CDH23: variants seen among roughly 807,000 people sequenced by gnomAD.
The protein encoded by CDH23 is cadherin-23.
In CDH23, 189 loss-of-function variants were observed where a neutral mutation model predicts 317.1. The ratio of observed to expected loss-of-function variants is 0.60; its 90% confidence interval spans 0.53 to 0.67. The LOEUF (loss-of-function observed/expected upper bound fraction) is 0.67. Among genes scored for constraint, CDH23 ranks in the 30% least tolerant of loss-of-function variants. The pLI is 0.00. For synonymous variants in CDH23, 1,839 were observed against 1,876.8 expected (o/e 0.98, Z 0.52); for missense variants, 4,401 against 4,592.4 (o/e 0.96, Z 1.20).
chr10:71,664,363 T>C (rs1435105153), intron 14 of CDH23, among the ~76,000 whole-genome samples: 1 of 152,208 alleles, frequency 6.6e-6, no homozygotes, highest in African/African-American at 2.4e-5. Context: ...AACACCACCA[T>C]GTCTGTGATA....
At chr10:71,695,550 C>T (rs1429167899) in intron 22 of CDH23, 25 bp downstream of exon 22, 1 of 1,544,864 alleles carries the variant, frequency 6.5e-7, no homozygotes, top group Non-Finnish European at 9.0e-7. Context: ...AGCAGCAGAA[C>T]TGCCAGGCGG....
In CDH23 at chr10:71,594,269, T is replaced by C. The variant is rs199549695; in HGVS notation, c.832+16277T>C. 1.4e-4 allele frequency among the ~76,000 whole-genome samples: 21 copies of C among 152,316 alleles called. No individual in the cohort carries two copies. The East Asian group carries it at 3.9e-3, about 28-fold the overall frequency. ...GCTCAATTATTATTATATTTTGAAT[T>C]CCTCAAAAATGTTTGTGGAAATTTG... On this transcript the variant is annotated intron_variant, in intron 9 of 69. Coordinates refer to ENST00000224721, the MANE Select transcript of CDH23 (RefSeq NM_022124.6).
At position 71,812,814 on chromosome 10, in the gene CDH23, G is replaced by C; in HGVS notation, c.9557G>C (p.Arg3186Pro). ...GCAGCTGTCAAGCCTGATGATGACCGATACCTGCGGGCTGCCATCCAGGAG... is the reference window on the plus strand; with the variant it reads ...GCAGCTGTCAAGCCTGATGATGACCCATACCTGCGGGCTGCCATCCAGGAG... ...EPAAVKPDDDRYLRAAIQEYD... is the reference protein window; with the variant it reads ...EPAAVKPDDDPYLRAAIQEYD... Residue 3186 changes from arginine to proline, a missense_variant, in exon 68 of 70, where the codon CGA (arginine) becomes CCA (proline). This residue lies in a region of CDH23 where 1,144 missense variants were observed against 1,138.2 expected (regional missense o/e 1.01). Transcript: ENST00000224721. The C allele has an allele frequency of 6.2e-7, 1 of 1,613,356 alleles. No individual in the cohort carries two copies. The highest frequency in any genetic ancestry group is 8.5e-7 in the Non-Finnish European group (1 of 1,179,570).
At chr10:71,777,999 G>A in intron 39 of CDH23, 98 bp downstream of exon 39, 1 of 1,471,194 alleles carries the variant, frequency 6.8e-7, no homozygotes, top group Non-Finnish European at 9.3e-7. Context: ...CAAAGATGCA[G>A]TCTAGGGGAA....
rs114784285 is a variant in CDH23 at position 71,510,640 on chromosome 10, A to C, written c.289-314A>C. On this transcript the variant is annotated intron_variant, in intron 4 of 69. Coordinates refer to ENST00000224721, the MANE Select transcript of CDH23 (RefSeq NM_022124.6). ...ATCCCCAACCCTTACCCTCTCCTTGAGTTTGAGGAAGGAACCATAGAGGTG... is the reference window on the plus strand; with the variant it reads ...ATCCCCAACCCTTACCCTCTCCTTGCGTTTGAGGAAGGAACCATAGAGGTG... Among the ~76,000 whole-genome samples the C allele has an allele frequency of 0.028, 4,314 of 152,150 alleles. 179 individuals carry two copies. The highest frequency in any genetic ancestry group is 0.091 in the African/African-American group (3,793 of 41,480).
chr10:71,759,842 C>CATAT lies in CDH23; in HGVS notation c.4846-17837_4846-17836insTATA, dbSNP rs1840257209. 2.0e-4 allele frequency among the ~76,000 whole-genome samples: 8 copies of CATAT among 40,112 alleles called. 3 individuals carry two copies. In the Admixed American group the frequency reaches 2.1e-3, roughly 11 times the overall value. The allele number at this position is 40,112 out of a possible 152,430, so 26.3% of individuals were successfully genotyped here. On this transcript the variant is annotated intron_variant, in intron 38 of 69. Transcript: ENST00000224721. ...ATATACACACACACACACACACACA[C>CATAT]ACACATATACACACACACACACATA...
At position 71,403,399 on chromosome 10, in the gene CDH23, C is replaced by CT. The variant is rs1405096526; in HGVS notation, c.-6+6084dup. 2.8e-4 allele frequency among the ~76,000 whole-genome samples: 25 copies of CT among 88,672 alleles called. 2 individuals are homozygous for CT. The highest frequency in any genetic ancestry group is 1.4e-3 in the African/African-American group (25 of 18,494). 58.2% of individuals were successfully genotyped at this position (88,672 alleles called of 152,430 possible). A position where few individuals can be genotyped will look rare whatever the true frequency, so the allele number is the denominator to read the frequency against. On this transcript the variant is annotated intron_variant, in intron 1 of 69. Coordinates refer to ENST00000224721, the MANE Select transcript of CDH23 (RefSeq NM_022124.6). ...TCTTTCTTTCTTTCTTTCTTTCTTT[C>CT]TTTCTTTCTCTTCCTTCCTTCCTTC...
chr10:71,474,107 C>T (rs2132096095), intron 3 of CDH23, among the ~76,000 whole-genome samples: 1 of 152,332 alleles, frequency 6.6e-6, no homozygotes, highest in Middle Eastern at 3.4e-3. Context: ...CGCTCCCTCC[C>T]CCACCTCCTC....
intron 14 of CDH23, among the ~76,000 whole-genome samples, chr10:71,674,384 C>T (rs1166202041): frequency 3.3e-5 from 5 of 152,184 alleles, no homozygotes; most frequent in Non-Finnish European, 1.5e-5. Context: ...GGGCTTTATC[C>T]ACTTACAATC....
Position 71,646,691 on chromosome 10 carries a change from G to A in CDH23, c.1449+74G>A, listed in dbSNP as rs115450602. ...GTGGTGAGGCACCCAGAGGGATTTT[G>A]TCCAAGGGACCTCAGCAATCAGGGA... is the stretch of plus-strand genomic sequence containing the variant. On this transcript the variant is annotated intron_variant, in intron 14 of 69. Coordinates refer to ENST00000224721, the MANE Select transcript of CDH23 (RefSeq NM_022124.6). The A allele has an allele frequency of 5.0e-6, 8 of 1,613,650 alleles. No individual in the cohort carries two copies. In the South Asian group the frequency reaches 7.7e-5, roughly 16 times the overall value.
Position 71,773,482 on chromosome 10 carries a change from G to C in CDH23, c.4846-4198G>C, listed in dbSNP as rs181827786. 3 of 1,549,874 alleles carry C rather than the reference G, an allele frequency of 1.9e-6. No homozygotes were observed. The South Asian group carries it at 3.5e-5, about 18-fold the overall frequency. On this transcript the variant is annotated intron_variant, in intron 38 of 69. Transcript: ENST00000224721. Reference sequence around the variant, plus strand: ...AGAGGAACTTCTGGTGCCGGGGAGCGGGCGGGACGCGGCCGGCGCGGGGAA... The same window carrying C: ...AGAGGAACTTCTGGTGCCGGGGAGCCGGCGGGACGCGGCCGGCGCGGGGAA...
intron 6 of CDH23, among the ~76,000 whole-genome samples, chr10:71,530,423 T>A (rs1855306427): frequency 6.6e-6 from 1 of 152,200 alleles, no homozygotes; most frequent in Non-Finnish European, 1.5e-5. Flanking sequence ...CTCTGCAGAC[T>A]GCCAAGCCGT....
chr10:71,634,053 T>C (rs1001750396), intron 11 of CDH23, among the ~76,000 whole-genome samples: 65 of 152,336 alleles, frequency 4.3e-4, no homozygotes, highest in African/African-American at 1.6e-3. Flanking sequence ...CATTTTAGCA[T>C]AGGAAATAGC....
chr10:71,706,814 T>A (rs915089503), intron 25 of CDH23, 83 bp from the exon 26 acceptor site: 3 of 1,507,586 alleles, frequency 2.0e-6, no homozygotes, highest in African/African-American at 1.4e-5. Flanking sequence ...CCCTACTTGG[T>A]CTGGTGCTGG....
chr10:71,522,993 T>C (rs540770856), intron 6 of CDH23, among the ~76,000 whole-genome samples: 2 of 152,302 alleles, frequency 1.3e-5, no homozygotes, highest in South Asian at 4.1e-4. Flanking sequence ...ATCTTACGGC[T>C]CTTGTCTGCC....
intron 1 of CDH23, among the ~76,000 whole-genome samples, chr10:71,410,308 G>A (rs1222042878): frequency 6.6e-6 from 1 of 152,216 alleles, no homozygotes; most frequent in African/African-American, 2.4e-5. Flanking sequence ...GCCTGGGGGT[G>A]CCAAGAGTAA....
At chr10:71,608,647 AGC>A (rs1860671324) in intron 9 of CDH23, among the ~76,000 whole-genome samples, 1 of 152,224 alleles carries the variant, frequency 6.6e-6, no homozygotes, top group Admixed American at 6.5e-5. Context: ...CAGAGATTGC[AGC>A]ATGAGACCCC....
intron 38 of CDH23, chr10:71,749,034 T>C (rs748113): frequency 0.38 from 58,421 of 152,426 alleles, 12,842 homozygotes; most frequent in East Asian, 0.69. Context: ...GCTGTTCTGC[T>C]GCGGGCCGCC....
At chr10:71,403,121 C>G (rs1458566412) in intron 1 of CDH23, among the ~76,000 whole-genome samples, 1 of 151,482 alleles carries the variant, frequency 6.6e-6, no homozygotes, top group African/African-American at 2.4e-5. Context: ...GACTCCATCT[C>G]AAAAGAACCA....
Sources: allele counts gnomAD v4.1 joint callset (sites outside exome capture counted in the v4.1 genomes callset), GRCh38; gene constraint gnomAD v4.1.1; regional missense constraint gnomAD v4.1.1; transcripts MANE v1.5; gene names NCBI Gene and HGNC (gene_info 2026-07-23, HGNC 2026-07-21).